FMN1: variants seen among roughly 807,000 people sequenced by gnomAD.
The protein encoded by FMN1 is formin-1.
Under a neutral mutation model 132.4 loss-of-function variants are expected in FMN1, and 110 were observed. The observed-to-expected ratio is 0.83, with a 90% CI of 0.71 to 0.97. FMN1 has a LOEUF of 0.97. Among genes scored for constraint, FMN1 ranks in the 50% least tolerant of loss-of-function variants. The pLI, the probability that FMN1 is intolerant of heterozygous loss-of-function variation, is 0.00. For synonymous variants in FMN1, 722 were observed against 651.7 expected, an observed-to-expected ratio of 1.11 and a Z score of -1.64; for missense variants, 1,792 against 1,705.3, an observed-to-expected ratio of 1.05 and a Z score of -0.90.
chr15:32,862,385 C>T lies in FMN1; in HGVS notation c.3836-5278G>A, dbSNP rs1459687230. 4.6e-5 allele frequency among the ~76,000 whole-genome samples: 7 copies of T among 152,194 alleles called. No individual in the cohort carries two copies. In the East Asian group the frequency reaches 9.7e-4, roughly 21 times the overall value. On this transcript the variant is annotated intron_variant, in intron 16 of 20. Transcript: ENST00000616417. The stretch of plus-strand genomic sequence containing the variant: ...TGGCAATTAAAAATATATTAATTTC[C>T]GAAGTTAGTTACTACTAAGTGATCA...
chr15:32,942,573 C>G (rs2061423510), intron 9 of FMN1, among the ~76,000 whole-genome samples: 1 of 152,236 alleles, frequency 6.6e-6, no homozygotes, highest in Non-Finnish European at 1.5e-5. Flanking sequence ...CAGAAGCCCT[C>G]TTCTTCCATG....
chr15:32,804,960 A>G (rs2057626046), intron 17 of FMN1, among the ~76,000 whole-genome samples: 1 of 152,174 alleles, frequency 6.6e-6, no homozygotes, highest in Non-Finnish European at 1.5e-5. Flanking sequence ...GAATAGTGCC[A>G]CAATAAATAT....
chr15:33,124,632 G>C (rs1321385793), intron 4 of FMN1, among the ~76,000 whole-genome samples: 1 of 152,016 alleles, frequency 6.6e-6, no homozygotes, highest in Non-Finnish European at 1.5e-5. Context: ...AATGTATTTG[G>C]TATCTAATAA....
chr15:32,841,516 A>G (rs2058745265), intron 17 of FMN1, among the ~76,000 whole-genome samples: 1 of 152,208 alleles, frequency 6.6e-6, no homozygotes, highest in South Asian at 2.1e-4. Flanking sequence ...AACTATTTCT[A>G]CACATTCCAT....
chr15:32,935,355 A>G (rs2140409481), intron 9 of FMN1, among the ~76,000 whole-genome samples: 1 of 152,312 alleles, frequency 6.6e-6, no homozygotes, highest in South Asian at 2.1e-4. Flanking sequence ...GGGTGCCCTT[A>G]TATGAGTTGC....
intron 16 of FMN1, among the ~76,000 whole-genome samples, chr15:32,867,550 C>T (rs1337913645): frequency 6.6e-6 from 1 of 151,310 alleles, no homozygotes; most frequent in East Asian, 1.9e-4. Flanking sequence ...TTCACCCAGG[C>T]TGGAGTGCAG....
chr15:32,994,228 TCTCTCACACA>T (rs1337229413), intron 7 of FMN1, among the ~76,000 whole-genome samples: 1,378 of 33,780 alleles, frequency 0.041, 26 homozygotes, highest in African/African-American at 0.068. Context: ...TCTCTCTCTC[TCTCTCACACA>T]CACACACACA....
intron 5 of FMN1, among the ~76,000 whole-genome samples, chr15:33,083,902 G>T (rs8030812): frequency 0.025 from 3,863 of 152,168 alleles, 166 homozygotes; most frequent in African/African-American, 0.088. Flanking sequence ...TCATCCTCAC[G>T]GCTCATTACA....
intron 3 of FMN1, among the ~76,000 whole-genome samples, chr15:33,178,428 C>A (rs1414216667): frequency 1.3e-5 from 2 of 152,166 alleles, no homozygotes; most frequent in East Asian, 3.8e-4. Context: ...TTTATGATGT[C>A]TCCATATCCT....
chr15:32,969,026 G>T lies in FMN1; in HGVS notation c.2675C>A (p.Pro892His). Reference protein sequence around the residue: ...PSGLGSLSPAPPMPPVSAGPP... With the variant: ...PSGLGSLSPAHPMPPVSAGPP... ...CCCAGCACTCACAGGTGGCATTGGA[G>T]GTGCGGGAGACAAAGATCCAAGTCC... Residue 892 changes from proline (P) to histidine (H), a missense_variant, in exon 8 of 21, where the codon CCT becomes CAT. Pro to His is a moderately conservative substitution (Grantham distance 77). Transcript: ENST00000616417. 2 of 1,374,708 alleles carry T rather than the reference G, an allele frequency of 1.5e-6. No individual in the cohort carries two copies. Among genetic ancestry groups the T allele is most frequent in the Non-Finnish European group, 2.0e-6 (2 of 1,000,528 alleles). 85.2% of individuals were successfully genotyped at this position (1,374,708 alleles called of 1,614,324 possible). A position where few individuals can be genotyped will look rare whatever the true frequency, so the allele number is the denominator to read the frequency against.
chr15:32,969,560 T>C (rs895890296), intron 7 of FMN1, 83 bp from the exon 8 acceptor site: 3 of 1,436,888 alleles, frequency 2.1e-6, no homozygotes, highest in Non-Finnish European at 2.8e-6. Context: ...AATACCATCA[T>C]GGTGCCACTG....
At chr15:32,924,199 G>A (rs2060901781) in intron 10 of FMN1, among the ~76,000 whole-genome samples, 1 of 151,966 alleles carries the variant, frequency 6.6e-6, no homozygotes, top group South Asian at 2.1e-4. Context: ...TCAATGACAG[G>A]CCTATTTAGC....
At chr15:33,005,214 C>T (rs2034351289) in intron 7 of FMN1, among the ~76,000 whole-genome samples, 1 of 150,194 alleles carries the variant, frequency 6.7e-6, no homozygotes, top group African/African-American at 2.5e-5. Context: ...AAAAAAACTA[C>T]AGCTAAGTGT....
intron 7 of FMN1, among the ~76,000 whole-genome samples, chr15:33,001,438 C>A (rs1031050165): frequency 2.0e-5 from 3 of 152,184 alleles, no homozygotes; most frequent in African/African-American, 4.8e-5. Context: ...CCATTCAAAT[C>A]TCCAGCGGGA....
chr15:33,082,001 T>A (rs1435333252), intron 5 of FMN1, among the ~76,000 whole-genome samples: 2 of 148,068 alleles, frequency 1.4e-5, no homozygotes, highest in Admixed American at 1.3e-4. Context: ...GAAACCAGAA[T>A]CAACAAGAAG....
intron 6 of FMN1, among the ~76,000 whole-genome samples, chr15:33,028,942 A>T (rs1364195866): frequency 6.6e-6 from 1 of 152,232 alleles, no homozygotes; most frequent in Non-Finnish European, 1.5e-5. Context: ...TAAAATAGAA[A>T]ACAGATAAAT....
chr15:33,048,644 A>AAAAAAAAAAAAAAAAAAAAAAAAAAAAAC lies in FMN1; in HGVS notation c.2161+16312_2161+16313insGTTTTTTTTTTTTTTTTTTTTTTTTTTTT. Among the ~76,000 whole-genome samples, 15 of 86,938 alleles carry AAAAAAAAAAAAAAAAAAAAAAAAAAAAAC rather than the reference A, an allele frequency of 1.7e-4. 1 individual carries two copies. Among genetic ancestry groups the AAAAAAAAAAAAAAAAAAAAAAAAAAAAAC allele is most frequent in the African/African-American group, 5.8e-4 (14 of 24,334 alleles). The allele number at this position is 86,938 out of a possible 152,430, so 57.0% of individuals were successfully genotyped here. A position where few individuals can be genotyped will look rare whatever the true frequency, so the allele number is the denominator to read the frequency against. ...TGGGCAATTTACCAAAAAAAAAAAA[A>AAAAAAAAAAAAAAAAAAAAAAAAAAAAAC]AAAAACCAACAGTTTAATGGACTTA... On this transcript the variant is annotated intron_variant, in intron 6 of 20. Transcript: ENST00000616417.
At chr15:33,089,646 T>G (rs533306051) in intron 4 of FMN1, among the ~76,000 whole-genome samples, 1 of 152,370 alleles carries the variant, frequency 6.6e-6, no homozygotes, top group Non-Finnish European at 1.5e-5. Context: ...TAGTTAGGTA[T>G]CATTAGTGTT....
At chr15:32,779,925 TGA>T (rs2140889278) in intron 19 of FMN1, among the ~76,000 whole-genome samples, 2 of 152,326 alleles carry the variant, frequency 1.3e-5, no homozygotes, top group South Asian at 4.1e-4. Context: ...GGCATGATAC[TGA>T]GAGTGAAGAA....
Sources: allele counts gnomAD v4.1 joint callset (sites outside exome capture counted in the v4.1 genomes callset), GRCh38; gene constraint gnomAD v4.1.1; transcripts MANE v1.5; gene names NCBI Gene and HGNC (gene_info 2026-07-23, HGNC 2026-07-21).